Variants in SUSD6 observed in about 807,000 individuals in gnomAD.
SUSD6 encodes the protein sushi domain-containing protein 6.
A neutral mutation model predicts 28.4 loss-of-function variants in SUSD6; 16 were observed. The observed-to-expected ratio is 0.56, with a 90% CI of 0.38 to 0.86. The LOEUF (loss-of-function observed/expected upper bound fraction) is 0.86. SUSD6 is among the 40% of genes least tolerant of loss of function. The pLI, the probability that SUSD6 is intolerant of heterozygous loss-of-function variation, is 0.00. For missense variants in SUSD6, 341 were observed against 384.2 expected (o/e 0.89, Z 0.94); for synonymous variants, 147 against 159.6 (o/e 0.92, Z 0.59).
At chr14:69,647,902 T>C (rs1595041092) in intron 1 of SUSD6, among the ~76,000 whole-genome samples, 2 of 152,170 alleles carry the variant, frequency 1.3e-5, no homozygotes, top group Middle Eastern at 6.8e-3. Flanking sequence ...TGAGAATCAC[T>C]TGAACCCGAG....
At chr14:69,662,378 T>C (rs1355805404) in intron 2 of SUSD6, among the ~76,000 whole-genome samples, 1 of 152,168 alleles carries the variant, frequency 6.6e-6, no homozygotes, top group Non-Finnish European at 1.5e-5. Flanking sequence ...CAGTCTAAGG[T>C]AGGAAGAATC....
intron 1 of SUSD6, among the ~76,000 whole-genome samples, chr14:69,614,429 G>A (rs558303710): frequency 1.3e-5 from 2 of 152,178 alleles, no homozygotes; most frequent in African/African-American, 4.8e-5. Context: ...TTGCTCTTTT[G>A]GTGGGGCAGC....
In SUSD6 at chr14:69,714,244, A is replaced by C. The variant is rs1398106462; in HGVS notation, c.*3265A>C. On this transcript the variant is annotated 3_prime_UTR_variant, in exon 6 of 6. Transcript: ENST00000342745. ...CAGTGGAGAAGCCAGATGGCAATTC[A>C]GACAAAGGTATACTCTTCCTGCTTC... 1 of 152,172 alleles carries C rather than the reference A, an allele frequency of 6.6e-6. No individual in the cohort carries two copies. Among genetic ancestry groups the C allele is most frequent in the African/African-American group, 2.4e-5 (1 of 41,430 alleles). The allele number at this position is 152,172 out of a possible 1,614,324, so 9.4% of individuals were successfully genotyped here.
chr14:69,637,553 T>C (rs1477013625), intron 1 of SUSD6, among the ~76,000 whole-genome samples: 1 of 152,210 alleles, frequency 6.6e-6, no homozygotes, highest in Non-Finnish European at 1.5e-5. Flanking sequence ...GAGCTGTGTG[T>C]GGGTGCTGGA....
chr14:69,630,914 G>T (rs953434716), intron 1 of SUSD6, among the ~76,000 whole-genome samples: 3 of 152,136 alleles, frequency 2.0e-5, no homozygotes, highest in African/African-American at 7.2e-5. Flanking sequence ...CTGTAAAGAG[G>T]ACTCTGAGAG....
chr14:69,640,132 A>G (rs1163295789), intron 1 of SUSD6, among the ~76,000 whole-genome samples: 1 of 151,744 alleles, frequency 6.6e-6, no homozygotes, highest in East Asian at 1.9e-4. Context: ...TCCCACCTTA[A>G]TGCCTCCTCC....
At chr14:69,681,851 G>A (rs1017718769) in intron 2 of SUSD6, among the ~76,000 whole-genome samples, 1 of 152,262 alleles carries the variant, frequency 6.6e-6, no homozygotes, top group East Asian at 1.9e-4. Context: ...AGGGCTTACG[G>A]CTAAAGAAGT....
chr14:69,649,363 T>A (rs1595041626), intron 1 of SUSD6, among the ~76,000 whole-genome samples: 1 of 152,312 alleles, frequency 6.6e-6, no homozygotes, highest in South Asian at 2.1e-4. Flanking sequence ...TGAAGCCTGT[T>A]CCACTCAGCC....
intron 4 of SUSD6, 97 bp from the exon 5 acceptor site, chr14:69,708,580 T>A: frequency 2.0e-6 from 2 of 1,011,882 alleles, no homozygotes; most frequent in Non-Finnish European, 2.9e-6. Context: ...ACATAGTAAG[T>A]GCTCAAAAAT....
At chr14:69,687,664 G>A (rs1453981920) in intron 2 of SUSD6, among the ~76,000 whole-genome samples, 2 of 152,194 alleles carry the variant, frequency 1.3e-5, no homozygotes, top group Non-Finnish European at 2.9e-5. Context: ...ATTCCACACT[G>A]GGGTACTATT....
chr14:69,619,475 A>C (rs2139590003), intron 1 of SUSD6, among the ~76,000 whole-genome samples: 1 of 152,078 alleles, frequency 6.6e-6, no homozygotes, highest in South Asian at 2.1e-4. Flanking sequence ...CAAAAATGCC[A>C]CCTGGCCTGG....
At chr14:69,668,757 T>C (rs1177956973) in intron 2 of SUSD6, among the ~76,000 whole-genome samples, 1 of 152,098 alleles carries the variant, frequency 6.6e-6, no homozygotes, top group Non-Finnish European at 1.5e-5. Flanking sequence ...GGGAGCAGAT[T>C]CCTCATGAAT....
intron 2 of SUSD6, among the ~76,000 whole-genome samples, chr14:69,697,973 G>A (rs1045569021): frequency 1.3e-5 from 2 of 152,190 alleles, no homozygotes; most frequent in African/African-American, 4.8e-5. Flanking sequence ...GAGGATTCTT[G>A]GATCTCACAC....
chr14:69,685,041 G>A (rs1382833924), intron 2 of SUSD6, among the ~76,000 whole-genome samples: 1 of 152,226 alleles, frequency 6.6e-6, no homozygotes, highest in African/African-American at 2.4e-5. Flanking sequence ...CTCTGCCCAC[G>A]TTTGCAGAAG....
chr14:69,686,391 G>A lies in SUSD6; in HGVS notation c.122-17004G>A, dbSNP rs9788608. Among the ~76,000 whole-genome samples the A allele has an allele frequency of 2.6e-5, 4 of 152,316 alleles. No individual in the cohort carries two copies. In the East Asian group the frequency reaches 7.7e-4, roughly 29 times the overall value. ...TGAGGGTCCTTGCTAGGGAAGTAGG[G>A]GGACTACCTGCAACAGGTTCTGGTG... On this transcript the variant is annotated intron_variant, in intron 2 of 5. Coordinates refer to ENST00000342745, the MANE Select transcript of SUSD6 (RefSeq NM_014734.4).
chr14:69,657,578 G>GGT lies in SUSD6; in HGVS notation c.-80-924_-80-923dup, dbSNP rs1033641581. 7.9e-5 allele frequency among the ~76,000 whole-genome samples: 12 copies of GGT among 151,984 alleles called. No individual in the cohort carries two copies. The East Asian group carries it at 1.4e-3, about 17-fold the overall frequency. On this transcript the variant is annotated intron_variant, in intron 1 of 5. Coordinates refer to ENST00000342745, the MANE Select transcript of SUSD6 (RefSeq NM_014734.4). ...ATAAAGCCTTATTAATGGAGAAGGG[G>GGT]GTGTGTGTGTGTAACTTAAAAAAAA...
intron 1 of SUSD6, among the ~76,000 whole-genome samples, chr14:69,651,583 C>T (rs193037994): frequency 2.6e-5 from 4 of 152,096 alleles, no homozygotes; most frequent in Non-Finnish European, 4.4e-5. Context: ...ATGTGGCTGT[C>T]GAAGCACTCA....
chr14:69,689,129 T>TTCCCGTGAAGTTGGAGC (rs2139635731), intron 2 of SUSD6, among the ~76,000 whole-genome samples: 1 of 152,324 alleles, frequency 6.6e-6, no homozygotes, highest in Admixed American at 6.5e-5. Context: ...ATGATCCTAC[T>TTCCCGTGAAGTTGGAGC]TCCCGTGAAG....
At chr14:69,663,102 G>C (rs1039607898) in intron 2 of SUSD6, among the ~76,000 whole-genome samples, 4 of 152,210 alleles carry the variant, frequency 2.6e-5, no homozygotes, top group Admixed American at 6.5e-5. Flanking sequence ...CCAGTAAGGA[G>C]GGATTAATTT....
Sources: allele counts gnomAD v4.1 joint callset (sites outside exome capture counted in the v4.1 genomes callset), GRCh38; gene constraint gnomAD v4.1.1; transcripts MANE v1.5; gene names NCBI Gene and HGNC (gene_info 2026-07-23, HGNC 2026-07-21).